The following EPHA3 variants were observed in gnomAD, a reference collection of about 807,000 sequenced individuals.
EPHA3 encodes the protein ephrin type-A receptor 3.
In EPHA3, 42 loss-of-function variants were observed where a neutral mutation model predicts 107.1. That is an observed-to-expected ratio of 0.39 (90% CI 0.31 to 0.51). The LOEUF is 0.51. Ranked by LOEUF, EPHA3 falls within the 20% of genes least tolerant of loss-of-function variation. The probability of loss-of-function intolerance (pLI) is 0.78; values close to 1 mark genes in which losing one functional copy is unlikely to be tolerated. For missense variants in EPHA3, 1,183 were observed against 1,211.2 expected, an observed-to-expected ratio of 0.98 and a Z score of 0.35; for synonymous variants, 461 against 424.8, an observed-to-expected ratio of 1.09 and a Z score of -1.05.
intron 3 of EPHA3, among the ~76,000 whole-genome samples, chr3:89,220,577 A>G (rs1399348121): frequency 2.6e-5 from 4 of 152,186 alleles, no homozygotes; most frequent in African/African-American, 9.7e-5. Flanking sequence ...AATAAAAGAG[A>G]TATCAAATAT....
intron 3 of EPHA3, among the ~76,000 whole-genome samples, chr3:89,242,967 A>G (rs936532544): frequency 4.0e-5 from 5 of 124,290 alleles, no homozygotes; most frequent in Non-Finnish European, 6.2e-5. Context: ...ATGTGTTCTC[A>G]TTGTTCAATT....
intron 3 of EPHA3, among the ~76,000 whole-genome samples, chr3:89,293,999 T>C (rs891175665): frequency 2.6e-5 from 4 of 152,142 alleles, no homozygotes; most frequent in African/African-American, 9.7e-5. Context: ...AGTAGTATAC[T>C]TTTTCCATTC....
chr3:89,427,387 A>G (rs1184563362), intron 11 of EPHA3, among the ~76,000 whole-genome samples: 1 of 151,914 alleles, frequency 6.6e-6, no homozygotes, highest in African/African-American at 2.4e-5. Context: ...GTTATTTTCT[A>G]GCATCAGAAT....
In EPHA3 at chr3:89,348,653, G is replaced by A. The variant is rs1453905853; in HGVS notation, c.1306+6563G>A. ...TGATTTTAGTTATTTCTTGCCTTCT[G>A]CTAGCTTTTGAATGTGTTTGCTCTT... On this transcript the variant is annotated intron_variant, in intron 5 of 16. Transcript: ENST00000336596. Among the ~76,000 whole-genome samples the A allele has an allele frequency of 7.1e-5, 8 of 112,732 alleles. No homozygotes were observed. The South Asian group carries it at 1.8e-3, about 26-fold the overall frequency. 74.0% of individuals were successfully genotyped at this position (112,732 alleles called of 152,430 possible). A position where few individuals can be genotyped will look rare whatever the true frequency, so the allele number is the denominator to read the frequency against.
At chr3:89,471,488 C>T (rs564234393) in intron 15 of EPHA3, among the ~76,000 whole-genome samples, 43 of 152,256 alleles carry the variant, frequency 2.8e-4, no homozygotes, top group South Asian at 1.0e-3. Context: ...CCTGCTTCAG[C>T]GTCCCGAGTA....
At chr3:89,431,417 A>T in intron 13 of EPHA3, 58 bp downstream of exon 13, 3 of 1,453,296 alleles carry the variant, frequency 2.1e-6, no homozygotes, top group Non-Finnish European at 2.8e-6. Context: ...TATCATGTTG[A>T]TTTGTAAATA....
intron 2 of EPHA3, among the ~76,000 whole-genome samples, chr3:89,139,694 CTAAT>C (rs952296786): frequency 5.3e-5 from 8 of 151,586 alleles, no homozygotes; most frequent in Non-Finnish European, 1.0e-4. Flanking sequence ...GTGCAATACT[CTAAT>C]TAGATAGACA....
chr3:89,159,037 T>C (rs1375109592), intron 2 of EPHA3, among the ~76,000 whole-genome samples: 1 of 152,118 alleles, frequency 6.6e-6, no homozygotes, highest in African/African-American at 2.4e-5. Flanking sequence ...TCCTTAAGCA[T>C]ATGTGCATTA....
intron 3 of EPHA3, among the ~76,000 whole-genome samples, chr3:89,327,837 A>G (rs1707200501): frequency 6.6e-6 from 1 of 151,946 alleles, no homozygotes; most frequent in African/African-American, 2.4e-5. Context: ...ACTGTTTCTG[A>G]TCAAAACTCA....
intron 5 of EPHA3, among the ~76,000 whole-genome samples, chr3:89,371,839 C>T (rs1708311231): frequency 6.6e-6 from 1 of 151,484 alleles, no homozygotes; most frequent in African/African-American, 2.4e-5. Context: ...TCCTAGTCAA[C>T]ACTGCTTGCC....
At chr3:89,157,620 C>A (rs548692125) in intron 2 of EPHA3, among the ~76,000 whole-genome samples, 1 of 151,844 alleles carries the variant, frequency 6.6e-6, no homozygotes, top group Non-Finnish European at 1.5e-5. Flanking sequence ...GGTAACCTTG[C>A]GGGGATAAAA....
At chr3:89,118,947 C>T (rs1288379759) in intron 1 of EPHA3, among the ~76,000 whole-genome samples, 1 of 151,516 alleles carries the variant, frequency 6.6e-6, no homozygotes, top group African/African-American at 2.4e-5. Context: ...GAACAGAGTC[C>T]CTGAGAGACA....
chr3:89,203,188 A>G (rs1007138138), intron 2 of EPHA3, among the ~76,000 whole-genome samples: 1 of 151,820 alleles, frequency 6.6e-6, no homozygotes, highest in Non-Finnish European at 1.5e-5. Context: ...GATATATAGC[A>G]TTAGTTCTCA....
intron 2 of EPHA3, among the ~76,000 whole-genome samples, chr3:89,206,605 A>G (rs532874641): frequency 2.6e-4 from 39 of 152,270 alleles, no homozygotes; most frequent in African/African-American, 9.1e-4. Flanking sequence ...ACTCTATAAA[A>G]CACTAACTTT....
At chr3:89,329,209 C>T (rs1431527731) in intron 3 of EPHA3, among the ~76,000 whole-genome samples, 4 of 152,080 alleles carry the variant, frequency 2.6e-5, no homozygotes, top group South Asian at 4.1e-4. Flanking sequence ...CACATACCCT[C>T]GGCGTGTCCA....
At chr3:89,242,766 T>A (rs77718715) in intron 3 of EPHA3, among the ~76,000 whole-genome samples, 44 of 151,456 alleles carry the variant, frequency 2.9e-4, no homozygotes, top group African/African-American at 2.9e-4. Context: ...TTTATTTTTT[T>A]ATTATACTTT....
At chr3:89,426,075 A>T (rs1709449744) in intron 11 of EPHA3, among the ~76,000 whole-genome samples, 1 of 151,710 alleles carries the variant, frequency 6.6e-6, no homozygotes, top group Non-Finnish European at 1.5e-5. Flanking sequence ...GTCATAGAAC[A>T]GTACTTTCAT....
chr3:89,197,989 T>TA (rs1705886194), intron 2 of EPHA3, among the ~76,000 whole-genome samples: 1 of 151,740 alleles, frequency 6.6e-6, no homozygotes, highest in African/African-American at 2.4e-5. Context: ...AAAATAAAAA[T>TA]AAAAAAATAA....
At chr3:89,458,298 T>C (rs973735565) in intron 15 of EPHA3, among the ~76,000 whole-genome samples, 13 of 151,894 alleles carry the variant, frequency 8.6e-5, no homozygotes, top group African/African-American at 2.2e-4. Context: ...TTTTGAGCTT[T>C]GGAGAGCAGT....
Sources: gnomAD v4.1 joint callset for allele counts (sites outside exome capture counted in the v4.1 genomes callset) on GRCh38, gnomAD v4.1.1 for gene constraint, MANE v1.5 for transcripts, NCBI Gene and HGNC (gene_info 2026-07-23, HGNC 2026-07-21) for gene names.